Variants in RIMS2 observed in about 807,000 individuals in gnomAD.
RIMS2 encodes the protein regulating synaptic membrane exocytosis 2.
A neutral mutation model predicts 174.4 loss-of-function variants in RIMS2; 59 were observed. That is an observed-to-expected ratio of 0.34 (90% CI 0.27 to 0.42). RIMS2 has a LOEUF of 0.42. RIMS2 is among the 10% of genes least tolerant of loss of function. RIMS2 has a pLI of 1.00. For missense variants in RIMS2, 1,620 were observed against 1,666.3 expected (o/e 0.97, Z 0.48); for synonymous variants, 606 against 572.5 (o/e 1.06, Z -0.84).
At chr8:103,575,883 G>C (rs79451166) in intron 1 of RIMS2, among the ~76,000 whole-genome samples, 1 of 151,962 alleles carries the variant, frequency 6.6e-6, no homozygotes, top group African/African-American at 2.4e-5. Context: ...CAAAACTACA[G>C]TTTCTACACT....
chr8:103,639,725 G>T (rs1322200355), intron 1 of RIMS2, among the ~76,000 whole-genome samples: 1 of 151,836 alleles, frequency 6.6e-6, no homozygotes, highest in Admixed American at 6.6e-5. Context: ...AGTTTTCTGA[G>T]ATTATGAATA....
At chr8:104,083,788 A>G (rs1357214390) in intron 19 of RIMS2, among the ~76,000 whole-genome samples, 2 of 152,182 alleles carry the variant, frequency 1.3e-5, no homozygotes, top group African/African-American at 2.4e-5. Context: ...AGGGTCTGAG[A>G]AAAACAGACT....
intron 1 of RIMS2, among the ~76,000 whole-genome samples, chr8:103,508,478 A>G (rs1288170011): frequency 2.7e-5 from 4 of 150,480 alleles, no homozygotes; most frequent in Non-Finnish European, 5.9e-5. Flanking sequence ...AAAAAAAAGA[A>G]GACGATGCAG....
chr8:103,636,349 A>G (rs529585585), intron 1 of RIMS2, among the ~76,000 whole-genome samples: 2 of 152,276 alleles, frequency 1.3e-5, no homozygotes, highest in Admixed American at 6.5e-5. Flanking sequence ...GTAAGTATCT[A>G]TCACTCTGGG....
chr8:103,643,196 G>A (rs189894474), intron 1 of RIMS2, among the ~76,000 whole-genome samples: 1 of 151,970 alleles, frequency 6.6e-6, no homozygotes, highest in East Asian at 1.9e-4. Flanking sequence ...CTCTGTTGAT[G>A]AGTCTGTCAA....
chr8:103,608,221 A>T (rs1174955002), intron 1 of RIMS2, among the ~76,000 whole-genome samples: 1 of 143,290 alleles, frequency 7.0e-6, no homozygotes, highest in East Asian at 1.9e-4. Flanking sequence ...TCTAACAGAC[A>T]GGACCCTCAG....
At chr8:103,764,605 T>C (rs1489638842) in intron 2 of RIMS2, among the ~76,000 whole-genome samples, 2 of 152,152 alleles carry the variant, frequency 1.3e-5, no homozygotes, top group Non-Finnish European at 2.9e-5. Flanking sequence ...CTGAGGCATG[T>C]TCTTTTTAAT....
chr8:103,956,446 A>C (rs2087249901), intron 14 of RIMS2, among the ~76,000 whole-genome samples: 1 of 152,142 alleles, frequency 6.6e-6, no homozygotes, highest in Non-Finnish European at 1.5e-5. Context: ...AAATAATGCC[A>C]CACATCTACA....
intron 1 of RIMS2, among the ~76,000 whole-genome samples, chr8:103,545,610 T>TA (rs1280888600): frequency 2.0e-5 from 3 of 152,158 alleles, no homozygotes; most frequent in African/African-American, 7.2e-5. Context: ...GAAAAAATGT[T>TA]AAAGACAGCT....
intron 15 of RIMS2, among the ~76,000 whole-genome samples, chr8:103,961,993 G>A (rs192797341): frequency 3.2e-4 from 48 of 152,186 alleles, no homozygotes; most frequent in African/African-American, 1.1e-3. Context: ...GTTTAGAAGA[G>A]CTAAAACTCA....
chr8:103,948,384 A>G (rs2084365525), intron 14 of RIMS2, among the ~76,000 whole-genome samples: 1 of 152,270 alleles, frequency 6.6e-6, no homozygotes, highest in Non-Finnish European at 1.5e-5. Context: ...GAATGTTCAC[A>G]GCAGCATTAT....
rs181981586 is a variant in RIMS2 at position 103,955,566 on chromosome 8, A to T, written c.2702-5499A>T. On this transcript the variant is annotated intron_variant, in intron 14 of 23. Transcript: ENST00000504942. ...AATTCAACACCCCTTCATGCTAAAA[A>T]GTCTCAATAAACTAGGCACTGATGG... 7.2e-5 allele frequency among the ~76,000 whole-genome samples: 11 copies of T among 152,352 alleles called. No individual in the cohort carries two copies. In the East Asian group the frequency reaches 2.1e-3, roughly 29 times the overall value.
chr8:103,636,772 T>C (rs1353956553), intron 1 of RIMS2, among the ~76,000 whole-genome samples: 19 of 142,664 alleles, frequency 1.3e-4, no homozygotes, highest in South Asian at 4.6e-4. Context: ...GCTTTTTTTC[T>C]ATAACCCACC....
intron 3 of RIMS2, among the ~76,000 whole-genome samples, chr8:103,839,531 A>C (rs2098927268): frequency 6.6e-6 from 1 of 152,116 alleles, no homozygotes; most frequent in Non-Finnish European, 1.5e-5. Context: ...GTGAGGCCTC[A>C]ACTGAATGCC....
At chr8:104,251,802 T>C (rs1255695462) in exon 24 of RIMS2, 1 of 1,606,222 alleles carries the variant, frequency 6.2e-7, no homozygotes, top group African/African-American at 1.3e-5. Flanking sequence ...CAACTGGACC[T>C]TCTTACTCTC....
chr8:103,603,322 T>C (rs1246468979), intron 1 of RIMS2, among the ~76,000 whole-genome samples: 1 of 151,922 alleles, frequency 6.6e-6, no homozygotes, highest in Non-Finnish European at 1.5e-5. Context: ...ACAAAGGACA[T>C]GAACTCATCA....
At chr8:103,813,267 A>G (rs1464727050) in intron 3 of RIMS2, among the ~76,000 whole-genome samples, 1 of 152,202 alleles carries the variant, frequency 6.6e-6, no homozygotes, top group Non-Finnish European at 1.5e-5. Flanking sequence ...TCAGACGAGC[A>G]TAACTTTCCA....
chr8:103,859,862 G>A (rs978050659), intron 3 of RIMS2, among the ~76,000 whole-genome samples: 2 of 152,040 alleles, frequency 1.3e-5, no homozygotes, highest in Non-Finnish European at 2.9e-5. Context: ...CTGGAGAATA[G>A]GGCATGGGCT....
chr8:103,786,756 G>T (rs571819170), intron 3 of RIMS2, among the ~76,000 whole-genome samples: 3 of 152,288 alleles, frequency 2.0e-5, no homozygotes, highest in South Asian at 2.1e-4. Flanking sequence ...TGTTGATTTG[G>T]GGTGGAGAGT....
Sources: gnomAD v4.1 joint callset for allele counts (sites outside exome capture counted in the v4.1 genomes callset) on GRCh38, gnomAD v4.1.1 for gene constraint, MANE v1.5 for transcripts, NCBI Gene and HGNC (gene_info 2026-07-23, HGNC 2026-07-21) for gene names.